The following ATRNL1 variants were observed in gnomAD, a reference collection of about 807,000 sequenced individuals.
ATRNL1 encodes attractin-like protein 1.
In ATRNL1, 95 loss-of-function variants were observed where a neutral mutation model predicts 182.7. The observed-to-expected ratio is 0.52, with a 90% CI of 0.44 to 0.62. The LOEUF is 0.62. ATRNL1 is among the 20% of genes least tolerant of loss of function. ATRNL1 has a pLI of 0.00. For missense variants in ATRNL1, 1,471 were observed against 1,679.5 expected, an observed-to-expected ratio of 0.88 and a Z score of 2.17; for synonymous variants, 576 against 568.3, an observed-to-expected ratio of 1.01 and a Z score of -0.19.
chr10:115,285,416 C>T (rs371391874), intron 14 of ATRNL1, among the ~76,000 whole-genome samples: 8 of 151,836 alleles, frequency 5.3e-5, no homozygotes, highest in African/African-American at 1.7e-4. Flanking sequence ...GGGCTAGAGG[C>T]GCTAATACAT....
chr10:115,387,239 G>A (rs989289263), intron 19 of ATRNL1, among the ~76,000 whole-genome samples: 7 of 152,058 alleles, frequency 4.6e-5, no homozygotes, highest in African/African-American at 7.2e-5. Context: ...CTACTATGCC[G>A]TCCTTTGTTG....
chr10:115,893,856 A>G (rs1034697265), intron 28 of ATRNL1, among the ~76,000 whole-genome samples: 8 of 152,176 alleles, frequency 5.3e-5, no homozygotes, highest in Non-Finnish European at 8.8e-5. Flanking sequence ...ATATAGTGTG[A>G]ACCAAATAAG....
chr10:115,679,187 A>G (rs1412196366), intron 26 of ATRNL1, among the ~76,000 whole-genome samples: 2 of 152,130 alleles, frequency 1.3e-5, no homozygotes, highest in African/African-American at 4.8e-5. Flanking sequence ...AGTATGTGTG[A>G]CGGAATATGC....
At chr10:115,850,091 G>T (rs181124816) in intron 28 of ATRNL1, among the ~76,000 whole-genome samples, 4 of 152,176 alleles carry the variant, frequency 2.6e-5, no homozygotes, top group Non-Finnish European at 2.9e-5. Flanking sequence ...GTAAGACAGT[G>T]GTTCTACTCT....
At chr10:115,890,756 A>G (rs891681136) in intron 28 of ATRNL1, among the ~76,000 whole-genome samples, 7 of 152,154 alleles carry the variant, frequency 4.6e-5, no homozygotes, top group Non-Finnish European at 8.8e-5. Flanking sequence ...ATGCAGAGAT[A>G]TTTTATCAGC....
chr10:115,851,407 C>T (rs1487657376), intron 28 of ATRNL1, among the ~76,000 whole-genome samples: 7 of 151,756 alleles, frequency 4.6e-5, no homozygotes, highest in African/African-American at 1.7e-4. Flanking sequence ...ACTTGATTTT[C>T]TTTCCACCAG....
intron 28 of ATRNL1, among the ~76,000 whole-genome samples, chr10:115,912,086 A>C (rs1407427365): frequency 1.3e-5 from 2 of 152,122 alleles, no homozygotes; most frequent in African/African-American, 4.8e-5. Flanking sequence ...ATTTGGGGGG[A>C]AGAACTACAG....
At chr10:115,686,733 C>T (rs897525723) in intron 26 of ATRNL1, among the ~76,000 whole-genome samples, 30 of 152,086 alleles carry the variant, frequency 2.0e-4, no homozygotes, top group African/African-American at 7.0e-4. Context: ...GTTTCACACT[C>T]TTAGGCTTGA....
chr10:115,204,968 A>G (rs926691497), intron 8 of ATRNL1, among the ~76,000 whole-genome samples: 1 of 152,100 alleles, frequency 6.6e-6, no homozygotes, highest in African/African-American at 2.4e-5. Flanking sequence ...TCAATCTTAT[A>G]GTTGTAATGC....
chr10:115,310,880 C>G (rs909143229), intron 17 of ATRNL1, among the ~76,000 whole-genome samples: 7 of 151,908 alleles, frequency 4.6e-5, no homozygotes, highest in Non-Finnish European at 1.0e-4. Flanking sequence ...GTTCTTGTTT[C>G]TCTAGTTCTT....
At chr10:115,648,564 G>A (rs1349364844) in intron 26 of ATRNL1, among the ~76,000 whole-genome samples, 1 of 152,084 alleles carries the variant, frequency 6.6e-6, no homozygotes, top group African/African-American at 2.4e-5. Context: ...GTACTACAAG[G>A]CTACAGTAAC....
At chr10:115,152,823 C>T (rs897919269) in intron 5 of ATRNL1, among the ~76,000 whole-genome samples, 1 of 152,104 alleles carries the variant, frequency 6.6e-6, no homozygotes, top group Non-Finnish European at 1.5e-5. Context: ...CCAGTTTTTG[C>T]CCATTCAATA....
intron 26 of ATRNL1, among the ~76,000 whole-genome samples, chr10:115,690,526 G>A (rs1453503536): frequency 1.3e-5 from 2 of 152,102 alleles, no homozygotes; most frequent in South Asian, 2.1e-4. Flanking sequence ...AACAAGCCAC[G>A]GTCAGGTACC....
At chr10:115,676,472 C>A (rs1232520576) in intron 26 of ATRNL1, among the ~76,000 whole-genome samples, 1 of 151,986 alleles carries the variant, frequency 6.6e-6, no homozygotes, top group African/African-American at 2.4e-5. Flanking sequence ...CATGCAACTT[C>A]ACTTTCCAAA....
chr10:115,190,860 T>A (rs1290868361), intron 8 of ATRNL1, among the ~76,000 whole-genome samples: 12 of 152,160 alleles, frequency 7.9e-5, no homozygotes, highest in African/African-American at 2.9e-4. Context: ...AGCCTCACTT[T>A]ATCCCCTGCT....
intron 18 of ATRNL1, among the ~76,000 whole-genome samples, chr10:115,330,151 C>T (rs373450079): frequency 6.6e-6 from 1 of 151,872 alleles, no homozygotes; most frequent in African/African-American, 2.4e-5. Flanking sequence ...AAGGAAAAAC[C>T]CACTCTATTC....
intron 26 of ATRNL1, among the ~76,000 whole-genome samples, chr10:115,618,503 C>CT: frequency 6.6e-6 from 1 of 151,662 alleles, no homozygotes; most frequent in East Asian, 2.0e-4. Flanking sequence ...TCACATTGGC[C>CT]TTTTTACAAT....
At chr10:115,202,924 T>G (rs1209642863) in intron 8 of ATRNL1, among the ~76,000 whole-genome samples, 1 of 151,010 alleles carries the variant, frequency 6.6e-6, no homozygotes. Context: ...GTTATTGGTC[T>G]ATTCAGAGAT....
Position 115,921,838 on chromosome 10 carries a change from T to C in ATRNL1, c.4019-22820T>C, listed in dbSNP as rs113120268. Among the ~76,000 whole-genome samples the C allele has an allele frequency of 4.3e-3, 650 of 152,368 alleles. 3 individuals are homozygous for C. Among genetic ancestry groups the C allele is most frequent in the African/African-American group, 0.014 (590 of 41,590 alleles). ...ATTATCCCAATTTACATAACCTTTT[T>C]GTAACACCACATTTTCAAGTGTTGG... On this transcript the variant is annotated intron_variant, in intron 28 of 28. Transcript: ENST00000355044.
Sources: gnomAD v4.1 joint callset for allele counts (sites outside exome capture counted in the v4.1 genomes callset) on GRCh38, gnomAD v4.1.1 for gene constraint, MANE v1.5 for transcripts, NCBI Gene and HGNC (gene_info 2026-07-23, HGNC 2026-07-21) for gene names.